Variants in GPM6A observed in about 807,000 individuals in gnomAD.
GPM6A encodes neuronal membrane glycoprotein M6-a.
In GPM6A, 7 loss-of-function variants were observed where a neutral mutation model predicts 32.1. The observed-to-expected ratio is 0.22, with a 90% CI of 0.12 to 0.41. The LOEUF (loss-of-function observed/expected upper bound fraction) is 0.41, where lower values mean the gene tolerates loss of function less well. GPM6A is among the 10% of genes least tolerant of loss of function. GPM6A has a pLI of 1.00. For synonymous variants in GPM6A, 130 were observed against 123.4 expected (o/e 1.05, Z -0.35); for missense variants, 235 against 347.2 (o/e 0.68, Z 2.57).
At chr4:175,637,374 A>T (rs1341449935) in intron 6 of GPM6A, among the ~76,000 whole-genome samples, 1 of 88,312 alleles carries the variant, frequency 1.1e-5, no homozygotes, top group Admixed American at 1.9e-4. Context: ...AACATATAAT[A>T]TATTATATAA....
chr4:175,678,257 G>T (rs1461726081), intron 2 of GPM6A, among the ~76,000 whole-genome samples: 2 of 152,096 alleles, frequency 1.3e-5, no homozygotes, highest in African/African-American at 4.8e-5. Context: ...TGAAGAAGGG[G>T]TCATGGTGTG....
At chr4:175,938,532 G>T (rs1306128172) in intron 1 of GPM6A, among the ~76,000 whole-genome samples, 1 of 151,796 alleles carries the variant, frequency 6.6e-6, no homozygotes, top group East Asian at 1.9e-4. Flanking sequence ...TCTGTTTGTG[G>T]GCTGCATAAA....
At chr4:175,694,997 C>T (rs1222914210) in intron 2 of GPM6A, among the ~76,000 whole-genome samples, 1 of 152,200 alleles carries the variant, frequency 6.6e-6, no homozygotes, top group Non-Finnish European at 1.5e-5. Context: ...GTATACAACT[C>T]GGGCCACTGC....
At chr4:175,967,031 C>A (rs548704036) in intron 1 of GPM6A, among the ~76,000 whole-genome samples, 72 of 152,150 alleles carry the variant, frequency 4.7e-4, no homozygotes, top group African/African-American at 1.7e-3. Context: ...AAATATCAAA[C>A]CTAGATACAA....
intron 1 of GPM6A, among the ~76,000 whole-genome samples, chr4:175,984,798 A>G (rs1304758933): frequency 6.6e-6 from 1 of 152,142 alleles, no homozygotes; most frequent in East Asian, 1.9e-4. Flanking sequence ...AGATAGGGAT[A>G]TGTGTGAGGC....
At chr4:175,919,558 T>C (rs1476128032) in intron 1 of GPM6A, among the ~76,000 whole-genome samples, 1 of 152,230 alleles carries the variant, frequency 6.6e-6, no homozygotes, top group Non-Finnish European at 1.5e-5. Context: ...ACTACCAGTA[T>C]GCAAGGGTGA....
chr4:175,909,070 A>G (rs1431654335), intron 1 of GPM6A, among the ~76,000 whole-genome samples: 1 of 148,548 alleles, frequency 6.7e-6, no homozygotes, highest in Admixed American at 6.7e-5. Flanking sequence ...CTCATAACCA[A>G]CTTAATCAGG....
chr4:175,885,296 T>G (rs1737415656), intron 1 of GPM6A, among the ~76,000 whole-genome samples: 1 of 152,146 alleles, frequency 6.6e-6, no homozygotes, highest in African/African-American at 2.4e-5. Flanking sequence ...CACTTTACAT[T>G]TATAAAAGGT....
rs201852466 is a variant in GPM6A, at chr4:175,636,295, T to TATATATATAC, written c.685-1239_685-1238insGTATATATAT. Among the ~76,000 whole-genome samples the TATATATATAC allele has an allele frequency of 1.2e-3, 157 of 133,366 alleles. 1 individual carries two copies. Among genetic ancestry groups the TATATATATAC allele is most frequent in the Non-Finnish European group, 1.5e-3 (97 of 63,134 alleles). 87.5% of individuals were successfully genotyped at this position (133,366 alleles called of 152,430 possible). A position where few individuals can be genotyped will look rare whatever the true frequency, so the allele number is the denominator to read the frequency against. On this transcript the variant is annotated intron_variant, in intron 6 of 6. Transcript: ENST00000393658. ...ATATATATATATATATATATATATATATACATATATATATGGATTAAATAA... is the reference window on the plus strand; with the variant it reads ...ATATATATATATATATATATATATATATATATATACATACATATATATATGGATTAAATAA...
chr4:175,992,008 A>G (rs900360158), intron 1 of GPM6A, among the ~76,000 whole-genome samples: 5 of 151,836 alleles, frequency 3.3e-5, no homozygotes, highest in Non-Finnish European at 7.4e-5. Context: ...TAAAAACGAA[A>G]CAAATCAATC....
chr4:175,694,270 C>G (rs1430024618), intron 2 of GPM6A, among the ~76,000 whole-genome samples: 1 of 152,162 alleles, frequency 6.6e-6, no homozygotes, highest in Non-Finnish European at 1.5e-5. Flanking sequence ...CTCTTTGGAA[C>G]TGGGTAGTAG....
At chr4:175,853,327 C>G (rs1579568555) in intron 1 of GPM6A, among the ~76,000 whole-genome samples, 1 of 151,908 alleles carries the variant, frequency 6.6e-6, no homozygotes, top group East Asian at 1.9e-4. Context: ...ATAAAATACT[C>G]TAGAGCTAAG....
intron 1 of GPM6A, among the ~76,000 whole-genome samples, chr4:175,871,467 C>T (rs900171198): frequency 6.6e-6 from 1 of 151,890 alleles, no homozygotes; most frequent in Admixed American, 6.6e-5. Flanking sequence ...AAGACTCCAT[C>T]TCAAAAAAAA....
chr4:175,723,254 A>G (rs1296260586), intron 1 of GPM6A, among the ~76,000 whole-genome samples: 1 of 152,218 alleles, frequency 6.6e-6, no homozygotes, highest in Non-Finnish European at 1.5e-5. Context: ...GACAGAAACA[A>G]GCTTGACCAT....
intron 1 of GPM6A, among the ~76,000 whole-genome samples, chr4:175,939,913 A>G (rs1336747468): frequency 3.3e-5 from 5 of 152,210 alleles, no homozygotes; most frequent in Non-Finnish European, 7.4e-5. Flanking sequence ...AAATAGAACC[A>G]TAGCGCCTGG....
At chr4:175,987,291 A>C in intron 1 of GPM6A, among the ~76,000 whole-genome samples, 1 of 152,182 alleles carries the variant, frequency 6.6e-6, no homozygotes. Flanking sequence ...TTTGACCAAC[A>C]CCTGGCTCTT....
intron 2 of GPM6A, among the ~76,000 whole-genome samples, chr4:175,698,712 A>G (rs1388295520): frequency 6.6e-6 from 1 of 152,224 alleles, no homozygotes; most frequent in African/African-American, 2.4e-5. Flanking sequence ...GTAATGTGAA[A>G]TATGAAAACA....
At position 175,904,067 on chromosome 4, in the gene GPM6A, T is replaced by G. The variant is rs1738048983; in HGVS notation, c.-22-91818A>C. Among the ~76,000 whole-genome samples, 4 of 152,254 alleles carry G rather than the reference T, an allele frequency of 2.6e-5. No individual in the cohort carries two copies. In the South Asian group the frequency reaches 8.3e-4, roughly 32 times the overall value. On this transcript the variant is annotated intron_variant, in intron 1 of 7. Coordinates refer to the GPM6A transcript ENST00000280187. ...GTGGATGGAGTAAAAGAAGTAAAGT[T>G]AGGGAGTAGCACACTATTTTTTTCA...
chr4:175,871,632 T>C (rs2111439507), intron 1 of GPM6A, among the ~76,000 whole-genome samples: 1 of 152,304 alleles, frequency 6.6e-6, no homozygotes, highest in East Asian at 1.9e-4. Context: ...CTATCCCCTA[T>C]ATTCATTCAC....
Sources: gnomAD v4.1 joint callset for allele counts (sites outside exome capture counted in the v4.1 genomes callset) on GRCh38, gnomAD v4.1.1 for gene constraint, MANE v1.5 for transcripts, NCBI Gene and HGNC (gene_info 2026-07-23, HGNC 2026-07-21) for gene names.